Variants in FRAS1 observed in about 807,000 individuals in gnomAD.
FRAS1 encodes the protein Fraser extracellular matrix complex subunit 1.
A neutral mutation model predicts 435.2 loss-of-function variants in FRAS1; 290 were observed. The ratio of observed to expected loss-of-function variants is 0.67; its 90% CI spans 0.61 to 0.73. The LOEUF is 0.73. FRAS1 is among the 30% of genes least tolerant of loss of function. FRAS1 has a pLI of 0.00. For missense variants in FRAS1, 4,860 were observed against 5,001.5 expected (o/e 0.97, Z 0.85); for synonymous variants, 1,800 against 1,851.0 (o/e 0.97, Z 0.71).
intron 2 of FRAS1, among the ~76,000 whole-genome samples, chr4:78,132,178 C>T (rs1344576557): frequency 6.6e-6 from 1 of 151,990 alleles, no homozygotes; most frequent in Non-Finnish European, 1.5e-5. Flanking sequence ...TTGTATAAAC[C>T]AGGGCCCCCC....
At chr4:78,093,844 G>A (rs1317415692) in intron 2 of FRAS1, among the ~76,000 whole-genome samples, 1 of 152,060 alleles carries the variant, frequency 6.6e-6, no homozygotes. Flanking sequence ...TATATTTTTG[G>A]TTATTTCTGT....
intron 20 of FRAS1, among the ~76,000 whole-genome samples, chr4:78,353,819 AG>A: frequency 6.7e-5 from 1 of 14,860 alleles, no homozygotes; most frequent in Middle Eastern, 0.019. Context: ...GGACACAGGA[AG>A]GGGAATATCA....
chr4:78,424,509 G>T, intron 35 of FRAS1, 89 bp downstream of exon 35: 5 of 575,586 alleles, frequency 8.7e-6, no homozygotes, highest in Middle Eastern at 2.9e-4. Context: ...ATTATTTTTA[G>T]CTATTTTCTA....
chr4:78,513,661 C>G, intron 65 of FRAS1, 109 bp downstream of exon 65: 1 of 1,007,668 alleles, frequency 9.9e-7, no homozygotes, highest in Non-Finnish European at 1.5e-6. Context: ...TCCTCAGAAT[C>G]CACATATTAG....
intron 31 of FRAS1, among the ~76,000 whole-genome samples, chr4:78,411,298 G>A (rs1291843385): frequency 1.3e-5 from 2 of 151,962 alleles, no homozygotes; most frequent in Admixed American, 6.6e-5. Flanking sequence ...TTTTAGTAGA[G>A]ACAGGATTTC....
At chr4:78,500,710 C>G (rs1720649406) in intron 61 of FRAS1, among the ~76,000 whole-genome samples, 1 of 152,118 alleles carries the variant, frequency 6.6e-6, no homozygotes, top group African/African-American at 2.4e-5. Context: ...TTTATTTTCT[C>G]TCCCCTCACC....
At chr4:78,251,604 T>C (rs936143216) in intron 4 of FRAS1, among the ~76,000 whole-genome samples, 1 of 152,202 alleles carries the variant, frequency 6.6e-6, no homozygotes, top group Non-Finnish European at 1.5e-5. Flanking sequence ...CTACTCTGGA[T>C]TGAGCACCAG....
intron 2 of FRAS1, among the ~76,000 whole-genome samples, chr4:78,113,783 G>C (rs911477091): frequency 6.6e-6 from 1 of 152,116 alleles, no homozygotes; most frequent in Non-Finnish European, 1.5e-5. Context: ...TAGGTTGCCT[G>C]GTCTCTCTGA....
At chr4:78,451,962 T>C in intron 46 of FRAS1, 71 bp downstream of exon 46, 1 of 1,479,080 alleles carries the variant, frequency 6.8e-7, no homozygotes, top group Non-Finnish European at 9.1e-7. Flanking sequence ...TTACACTTTG[T>C]TCACCTCGAG....
At chr4:78,103,391 G>A (rs971222745) in intron 2 of FRAS1, among the ~76,000 whole-genome samples, 2 of 152,180 alleles carry the variant, frequency 1.3e-5, no homozygotes, top group African/African-American at 2.4e-5. Context: ...GGATCTTCAT[G>A]TGTAGCTCAC....
At chr4:78,288,028 G>GATGA (rs1404386103) in intron 14 of FRAS1, among the ~76,000 whole-genome samples, 6 of 152,286 alleles carry the variant, frequency 3.9e-5, no homozygotes, top group South Asian at 2.1e-4. Context: ...ACAAGTGTGT[G>GATGA]ATGAATGAAT....
intron 25 of FRAS1, 27 bp from the exon 26 acceptor site, chr4:78,375,712 C>T: frequency 2.0e-6 from 3 of 1,533,128 alleles, no homozygotes; most frequent in South Asian, 1.3e-5. Context: ...TTGATTGAGC[C>T]TCATTTAGTG....
intron 20 of FRAS1, among the ~76,000 whole-genome samples, chr4:78,341,509 G>A (rs1730396200): frequency 6.6e-6 from 1 of 152,172 alleles, no homozygotes; most frequent in African/African-American, 2.4e-5. Flanking sequence ...ACGTTGCTGA[G>A]GGGATAAAGA....
At position 78,540,686 on chromosome 4, in the gene FRAS1, C is replaced by A. The variant is rs939826856; in HGVS notation, c.11601C>A (p.Ser3867=). Residue 3867 remains serine, a synonymous_variant, in exon 74 of 74, where the codon TCC becomes TCA. Coordinates refer to ENST00000512123, the MANE Select transcript of FRAS1 (RefSeq NM_025074.7). ...ATGGCCAGCTGATCCTTGATGATTC[C>A]CTCATCTATGACAATGAAGGAGACC... ...EPDGQLILDD[S]LIYDNEGDQV... is the part of the protein sequence containing the mutation. 1 of 1,613,570 alleles carries A rather than the reference C, an allele frequency of 6.2e-7. No homozygotes were observed. The highest frequency in any genetic ancestry group is 1.1e-5 in the South Asian group (1 of 91,038).
At chr4:78,098,340 A>G (rs1198305623) in intron 2 of FRAS1, among the ~76,000 whole-genome samples, 1 of 146,692 alleles carries the variant, frequency 6.8e-6, no homozygotes, top group African/African-American at 2.5e-5. Context: ...CAGTAGCATG[A>G]TCTCAGCTCA....
intron 18 of FRAS1, among the ~76,000 whole-genome samples, chr4:78,322,940 T>C (rs1299533544): frequency 6.6e-6 from 1 of 152,158 alleles, no homozygotes; most frequent in East Asian, 1.9e-4. Context: ...AAATAATGAA[T>C]GAATGAATGA....
intron 2 of FRAS1, among the ~76,000 whole-genome samples, chr4:78,236,133 C>A (rs1238321258): frequency 6.6e-6 from 1 of 151,934 alleles, no homozygotes; most frequent in Non-Finnish European, 1.5e-5. Context: ...GAGTAGAAAT[C>A]CAGGGGAGAA....
intron 2 of FRAS1, among the ~76,000 whole-genome samples, chr4:78,185,518 G>A (rs540304418): frequency 3.8e-4 from 58 of 152,298 alleles, no homozygotes; most frequent in African/African-American, 1.4e-3. Context: ...ATTAGCTTTA[G>A]AGAAGATTTG....
At chr4:78,077,523 T>C (rs1373087650) in intron 2 of FRAS1, among the ~76,000 whole-genome samples, 1 of 152,138 alleles carries the variant, frequency 6.6e-6, no homozygotes, top group Non-Finnish European at 1.5e-5. Flanking sequence ...GTCAGGGCTT[T>C]TAGTGTATTT....
Sources: allele counts gnomAD v4.1 joint callset (sites outside exome capture counted in the v4.1 genomes callset), GRCh38; gene constraint gnomAD v4.1.1; transcripts MANE v1.5; gene names NCBI Gene and HGNC (gene_info 2026-07-23, HGNC 2026-07-21).